Variants in STAT2 observed in about 807,000 individuals in gnomAD.
STAT2 encodes the protein signal transducer and activator of transcription 2.
STAT2 carries 51 observed loss-of-function variants against 122.3 expected under a neutral mutation model. That is an observed-to-expected ratio of 0.42 (90% CI 0.33 to 0.53). The LOEUF (loss-of-function observed/expected upper bound fraction) is 0.53, where lower values mean the gene tolerates loss of function less well. STAT2 is among the 20% of genes least tolerant of loss of function. The pLI, the probability that STAT2 is intolerant of heterozygous loss-of-function variation, is 0.10. For synonymous variants in STAT2, 351 were observed against 394.9 expected (o/e 0.89, Z 1.32); for missense variants, 736 against 1,010.3 (o/e 0.73, Z 3.68).
chr12:56,350,176 T>C lies in STAT2; in HGVS notation c.1130A>G (p.Asn377Ser). 1 of 1,612,484 alleles carries C rather than the reference T, an allele frequency of 6.2e-7. No individual in the cohort carries two copies. Among genetic ancestry groups the C allele is most frequent in the Non-Finnish European group, 8.5e-7 (1 of 1,179,596 alleles). Residue 377 changes from asparagine to serine, a missense_variant, in exon 13 of 24, where the codon AAC becomes AGC. Transcript: ENST00000314128. ...PPQLQGFRKF[N>S]ILTSNQKTLT... The stretch of plus-strand genomic sequence containing the variant: ...AGTTTTCTGGTTTGAAGTCAGAATG[T>C]TGAACTTCCGGAAGCTGTTCCAGGA...
chr12:56,346,737 G>A (rs2136043765), intron 20 of STAT2, 82 bp downstream of exon 20: 1 of 1,606,030 alleles, frequency 6.2e-7, no homozygotes, highest in South Asian at 1.1e-5. Flanking sequence ...CAGAGCCAGG[G>A]AAGCCAAGGG....
chr12:56,345,515 A>AT (rs1877268101), intron 22 of STAT2, among the ~76,000 whole-genome samples: 2 of 96,954 alleles, frequency 2.1e-5, no homozygotes, highest in Admixed American at 1.1e-4. Context: ...AAAAAAAAAA[A>AT]AAAAAAAAAA....
Position 56,343,843 on chromosome 12 carries a change from TC to T in STAT2, c.2394del (p.Asn799ThrfsTer12). 6.2e-7 allele frequency: 1 copy of T among 1,614,216 alleles called. No individual in the cohort carries two copies. The highest frequency in any genetic ancestry group is 8.5e-7 in the Non-Finnish European group (1 of 1,180,034). On this transcript the variant is annotated frameshift_variant, in exon 23 of 24. Coordinates refer to ENST00000314128, the MANE Select transcript of STAT2 (RefSeq NM_005419.4). LOFTEE classifies it low-confidence loss of function (END_TRUNC). ...EPDLPCDLRH[L>X]NTEPMEIFRN... ...CACTTACTTTCCATTGGCTCAGTGT[TC>T]AAATGTCTCAGATCACAGGGCAAAT...
At chr12:56,349,347 C>T (rs1437085107) in intron 15 of STAT2, 79 bp downstream of exon 15, 1 of 1,614,028 alleles carries the variant, frequency 6.2e-7, no homozygotes, top group South Asian at 1.1e-5. Context: ...TAACCCACCC[C>T]AAGAGGCTTC....
At position 56,344,038 on chromosome 12, in the gene STAT2, T is replaced by C. The variant is rs56067838; in HGVS notation, c.2200A>G (p.Ser734Gly). The C allele has an allele frequency of 6.2e-7, 1 of 1,613,138 alleles. No individual in the cohort carries two copies. Among genetic ancestry groups the C allele is most frequent in the East Asian group, 2.2e-5 (1 of 44,892 alleles). Reference sequence around the variant, plus strand: ...TTCAGCAGTGGCTCTAAGTCCAGGCTGAGCTCTGGCTCTGGCACCAGCCCT... The same window carrying C: ...TTCAGCAGTGGCTCTAAGTCCAGGCCGAGCTCTGGCTCTGGCACCAGCCCT... ...ELGLVPEPEL[S>G]LDLEPLLKAG... is the part of the protein sequence containing the mutation. Residue 734 changes from serine to glycine, a missense_variant, in exon 23 of 24, where the codon AGC becomes GGC. Coordinates refer to ENST00000314128, the MANE Select transcript of STAT2 (RefSeq NM_005419.4).
chr12:56,345,524 A>AAAAAAAAAAAT (rs1555169410), intron 22 of STAT2, among the ~76,000 whole-genome samples: 1 of 26,250 alleles, frequency 3.8e-5, no homozygotes, highest in African/African-American at 5.3e-4. Flanking sequence ...AAAAAAAAAA[A>AAAAAAAAAAAT]ATATATATAT....
chr12:56,351,160 C>T lies in STAT2; in HGVS notation c.972G>A (p.Met324Ile). ...RAFVVETQPCMPQTPHRPLIL... is the reference protein window; with the variant it reads ...RAFVVETQPCIPQTPHRPLIL... Reference sequence around the variant, plus strand: ...TGAGGGGTCGATGGGGAGTTTGGGGCATGCAGGGCTGGGTTTCTACCACAA... The same window carrying T: ...TGAGGGGTCGATGGGGAGTTTGGGGTATGCAGGGCTGGGTTTCTACCACAA... The change falls in exon 10 of 24, where the codon ATG (methionine) becomes ATA (isoleucine). Residue 324 changes from methionine (M) to isoleucine (I), a missense_variant. Physicochemically the swap from Met to Ile is conservative, Grantham distance 10. Coordinates refer to ENST00000314128, the MANE Select transcript of STAT2 (RefSeq NM_005419.4). The T allele has an allele frequency of 6.2e-7, 1 of 1,614,042 alleles. No individual in the cohort carries two copies.
At chr12:56,357,426 C>T (rs1229225366) in intron 1 of STAT2, among the ~76,000 whole-genome samples, 5 of 151,034 alleles carry the variant, frequency 3.3e-5, no homozygotes, top group East Asian at 4.0e-4. Context: ...CTGCAAGCTC[C>T]GCCTCCCGGG....
At chr12:56,343,779 G>A (rs1485878993) in intron 23 of STAT2, 46 bp downstream of exon 23, 1 of 1,601,408 alleles carries the variant, frequency 6.2e-7, no homozygotes, top group Non-Finnish European at 8.5e-7. Context: ...GAAGAGGTAG[G>A]AAAGGGAATG....
chr12:56,351,209 G>A lies in STAT2; in HGVS notation c.942-19C>T. 1.2e-6 allele frequency: 2 copies of A among 1,612,424 alleles called. No individual in the cohort carries two copies. Among genetic ancestry groups the A allele is most frequent in the East Asian group, 2.2e-5 (1 of 44,830 alleles). ...AAAGGCTCTGAGGAGAGAGAGGTGT[G>A]GAGAGAATATATAGCTCAGTATCTG... On this transcript the variant is annotated intron_variant, in intron 9 of 23. Transcript: ENST00000314128.
chr12:56,345,390 A>G (rs1324935455), intron 22 of STAT2, among the ~76,000 whole-genome samples: 1 of 138,202 alleles, frequency 7.2e-6, no homozygotes, highest in African/African-American at 2.8e-5. Flanking sequence ...AGTCTCAGCT[A>G]CTTGGGAGGC....
chr12:56,350,129 T>C lies in STAT2; in HGVS notation c.1177A>G (p.Ser393Gly). 1.2e-6 allele frequency: 2 copies of C among 1,613,010 alleles called. No homozygotes were observed. The highest frequency in any genetic ancestry group is 8.5e-7 in the Non-Finnish European group (1 of 1,179,854). The change falls in exon 13 of 24, where the codon AGT becomes GGT. Residue 393 changes from serine (S) to glycine (G), a missense_variant. Physicochemically the swap from Ser to Gly is moderately conservative, Grantham distance 56 (BLOSUM62 0). Coordinates refer to ENST00000314128, the MANE Select transcript of STAT2 (RefSeq NM_005419.4). ...CCAAAGTCCCAAATCAAACCCTGAC[T>C]CTGCCCCTTCTCGGGGGTCAAAGTT... ...QKTLTPEKGQ[S>G]QGLIWDFGYL...
intron 6 of STAT2, 107 bp downstream of exon 6, chr12:56,355,169 T>G: frequency 1.6e-6 from 2 of 1,282,026 alleles, no homozygotes; most frequent in Middle Eastern, 2.5e-4. Flanking sequence ...GTCAGTGGGG[T>G]GTGTCTGACA....
chr12:56,359,728 AGATTT>A (rs1880084038), intron 1 of STAT2, among the ~76,000 whole-genome samples: 1 of 152,224 alleles, frequency 6.6e-6, no homozygotes, highest in Admixed American at 6.5e-5. Flanking sequence ...CTTTGTTTTT[AGATTT>A]ATCTATCTTT....
chr12:56,356,322 A>C, intron 2 of STAT2, 37 bp from the exon 3 acceptor site: 1 of 1,609,232 alleles, frequency 6.2e-7, no homozygotes, highest in Non-Finnish European at 8.5e-7. Context: ...GTGTCTCTGC[A>C]GTGTTACTGT....
At position 56,349,541 on chromosome 12, in the gene STAT2, G is replaced by C. The variant is rs769691568; in HGVS notation, c.1258-32C>G. The C allele has an allele frequency of 1.9e-6, 3 of 1,614,124 alleles. No individual in the cohort carries two copies. In the East Asian group the frequency reaches 6.7e-5, roughly 36 times the overall value. On this transcript the variant is annotated intron_variant, in intron 14 of 23. Transcript: ENST00000314128. Reference sequence around the variant, plus strand: ...CAGCCAAAGACATAGTCATCAGAAGGCTCTTTGGCAAGCTCCCCCTGCCTC... The same window carrying C: ...CAGCCAAAGACATAGTCATCAGAAGCCTCTTTGGCAAGCTCCCCCTGCCTC...
At chr12:56,354,963 A>T (rs1879282635) in intron 6 of STAT2, 100 bp from the exon 7 acceptor site, 2 of 1,263,670 alleles carry the variant, frequency 1.6e-6, no homozygotes, top group Non-Finnish European at 1.1e-6. Context: ...TGGAGGAAGA[A>T]AGGGAAACCA....
At position 56,356,448 on chromosome 12, in the gene STAT2, G is replaced by T. The variant is rs1258502384; in HGVS notation, c.124C>A (p.Gln42Lys). 1.2e-6 allele frequency: 2 copies of T among 1,613,832 alleles called. No individual in the cohort carries two copies. Among genetic ancestry groups the T allele is most frequent in the Non-Finnish European group, 1.7e-6 (2 of 1,180,022 alleles). Residue 42 changes from glutamine to lysine, a missense_variant, in exon 2 of 24, where the codon CAG becomes AAG. Transcript: ENST00000314128. ...RQYLAVWIED[Q>K]NWQEAALGSD... ...ACTTCCTGAAGGCCTCACCAGTTCT[G>T]GTCTTCAATCCAGACAGCCAAGTAC...
At chr12:56,355,051 AAC>A (rs1245264498) in intron 6 of STAT2, 188 bp from the exon 7 acceptor site, 38 of 727,596 alleles carry the variant, frequency 5.2e-5, no homozygotes, top group Non-Finnish European at 7.8e-5. Context: ...CCTCAAATAA[AAC>A]ACTGTTAGTT....
Sources: gnomAD v4.1 joint callset for allele counts (sites outside exome capture counted in the v4.1 genomes callset) on GRCh38, gnomAD v4.1.1 for gene constraint, MANE v1.5 for transcripts, NCBI Gene and HGNC (gene_info 2026-07-23, HGNC 2026-07-21) for gene names.